ZBTB20: variants seen among roughly 807,000 people sequenced by gnomAD.
ZBTB20 encodes the protein zinc finger and BTB domain containing 20.
ZBTB20 carries 9 observed loss-of-function variants against 56.9 expected under a neutral mutation model. That is an observed-to-expected ratio of 0.16 (90% CI 0.10 to 0.28). The LOEUF (loss-of-function observed/expected upper bound fraction) is 0.28, where lower values mean the gene tolerates loss of function less well. ZBTB20 is among the 10% of genes least tolerant of loss of function. The pLI is 1.00. For missense variants in ZBTB20, 655 were observed against 1,003.0 expected (o/e 0.65, Z 4.69); for synonymous variants, 417 against 420.7 (o/e 0.99, Z 0.11).
intron 10 of ZBTB20, among the ~76,000 whole-genome samples, chr3:114,354,572 TGTTTTGTTTTGTTTG>T: frequency 8.5e-6 from 1 of 117,286 alleles, no homozygotes. Flanking sequence ...GGTTTTTTTT[TGTTTTGTTTTGTTTG>T]TTTTTTTTTT....
chr3:114,784,867 A>G (rs1471254717), intron 5 of ZBTB20, among the ~76,000 whole-genome samples: 2 of 152,226 alleles, frequency 1.3e-5, no homozygotes, highest in African/African-American at 4.8e-5. Context: ...GACACTAATT[A>G]TAACAATAGC....
chr3:114,391,543 A>G (rs1218103050), intron 7 of ZBTB20, among the ~76,000 whole-genome samples: 1 of 152,234 alleles, frequency 6.6e-6, no homozygotes, highest in African/African-American at 2.4e-5. Context: ...TCTACCAATT[A>G]GAATGGTTAT....
chr3:114,882,421 A>C (rs1230591022), intron 4 of ZBTB20, among the ~76,000 whole-genome samples: 3 of 152,040 alleles, frequency 2.0e-5, no homozygotes, highest in African/African-American at 7.2e-5. Context: ...TTATATAAAC[A>C]TATCTAAGAA....
intron 7 of ZBTB20, among the ~76,000 whole-genome samples, chr3:114,419,645 TTTAGA>T (rs2088942137): frequency 6.6e-6 from 1 of 152,060 alleles, no homozygotes; most frequent in African/African-American, 2.4e-5. Flanking sequence ...TTTTACAGGA[TTTAGA>T]CTTTAATCAC....
intron 5 of ZBTB20, among the ~76,000 whole-genome samples, chr3:114,748,349 C>CTTTCTT: frequency 5.4e-5 from 1 of 18,484 alleles, no homozygotes; most frequent in African/African-American, 1.2e-4. Flanking sequence ...TTCTTTCTTT[C>CTTTCTT]TTTTCTCTCT....
At position 114,821,445 on chromosome 3, in the gene ZBTB20, C is replaced by G. The variant is rs548400300; in HGVS notation, c.-416-20271G>C. 6.6e-5 allele frequency among the ~76,000 whole-genome samples: 10 copies of G among 152,236 alleles called. No individual in the cohort carries two copies. The East Asian group carries it at 1.9e-3, about 29-fold the overall frequency. ...ATAAAATCTAAGCCAACTCTAAATACCTACTGTGCATGGATCTCTCTAGTT... is the reference window on the plus strand; with the variant it reads ...ATAAAATCTAAGCCAACTCTAAATAGCTACTGTGCATGGATCTCTCTAGTT... On this transcript the variant is annotated intron_variant, in intron 4 of 11. Coordinates refer to ENST00000675478, the MANE Select transcript of ZBTB20 (RefSeq NM_001348800.3).
At chr3:114,654,472 CAA>C (rs1202208777) in intron 6 of ZBTB20, among the ~76,000 whole-genome samples, 4 of 151,688 alleles carry the variant, frequency 2.6e-5, no homozygotes, top group African/African-American at 9.7e-5. Flanking sequence ...TAATTATAAA[CAA>C]GAAGCATATT....
At position 114,633,363 on chromosome 3, in the gene ZBTB20, C is replaced by G. The variant is rs559429640; in HGVS notation, c.-295+60165G>C. 2.0e-4 allele frequency among the ~76,000 whole-genome samples: 30 copies of G among 152,306 alleles called. No individual in the cohort carries two copies. The South Asian group carries it at 3.9e-3, about 20-fold the overall frequency. On this transcript the variant is annotated intron_variant, in intron 6 of 11. Coordinates refer to ENST00000675478, the MANE Select transcript of ZBTB20 (RefSeq NM_001348800.3). The stretch of plus-strand genomic sequence containing the variant: ...TGAAACATTGTACACTGTATCACAG[C>G]TTGCACAGCACATTTCTTGCTGCAT...
intron 1 of ZBTB20, among the ~76,000 whole-genome samples, chr3:115,094,844 A>G (rs562036240): frequency 2.5e-4 from 38 of 152,202 alleles, no homozygotes; most frequent in African/African-American, 7.9e-4. Context: ...AATTTTCCCA[A>G]TAACAAAAAT....
intron 3 of ZBTB20, among the ~76,000 whole-genome samples, chr3:114,949,099 A>G (rs535792610): frequency 6.8e-6 from 1 of 146,420 alleles, no homozygotes; most frequent in South Asian, 2.1e-4. Context: ...TCCTGGAATA[A>G]GAGTCCAGAA....
At chr3:115,125,234 G>A (rs1427267772) in intron 1 of ZBTB20, among the ~76,000 whole-genome samples, 2 of 151,774 alleles carry the variant, frequency 1.3e-5, no homozygotes, top group Non-Finnish European at 2.9e-5. Flanking sequence ...TCCCAGCTAC[G>A]CAGGAGGTTG....
chr3:114,825,339 C>A (rs576596613), intron 4 of ZBTB20, among the ~76,000 whole-genome samples: 1 of 152,032 alleles, frequency 6.6e-6, no homozygotes, highest in East Asian at 1.9e-4. Context: ...AGGGTTCTAC[C>A]AAGGCCACTT....
At chr3:114,839,664 A>C (rs1322446768) in intron 4 of ZBTB20, among the ~76,000 whole-genome samples, 2 of 152,200 alleles carry the variant, frequency 1.3e-5, no homozygotes, top group Non-Finnish European at 2.9e-5. Context: ...GGATCTGTGC[A>C]GATGTAATGA....
intron 6 of ZBTB20, among the ~76,000 whole-genome samples, chr3:114,623,754 T>G (rs1304516561): frequency 6.6e-6 from 1 of 152,034 alleles, no homozygotes; most frequent in East Asian, 1.9e-4. Flanking sequence ...AACAATTAAT[T>G]CCACTTTCAC....
At chr3:114,818,600 A>G (rs192303900) in intron 4 of ZBTB20, among the ~76,000 whole-genome samples, 9 of 152,138 alleles carry the variant, frequency 5.9e-5, no homozygotes, top group Admixed American at 3.9e-4. Context: ...AATATTTACC[A>G]GAAAAAAAAG....
intron 1 of ZBTB20, among the ~76,000 whole-genome samples, chr3:115,089,726 T>C (rs1042272226): frequency 4.0e-5 from 6 of 151,816 alleles, no homozygotes; most frequent in Non-Finnish European, 8.8e-5. Context: ...ATCTAAAACA[T>C]AGGCAGAAAA....
At chr3:114,354,325 AT>A (rs891019917) in intron 10 of ZBTB20, among the ~76,000 whole-genome samples, 1 of 152,140 alleles carries the variant, frequency 6.6e-6, no homozygotes, top group Admixed American at 6.5e-5. Flanking sequence ...TTATTACAAC[AT>A]TTTTTTCTAC....
chr3:114,787,370 C>CACACAT (rs1553821546), intron 5 of ZBTB20, among the ~76,000 whole-genome samples: 1,306 of 114,324 alleles, frequency 0.011, 25 homozygotes, highest in Middle Eastern at 0.037. Context: ...TATATATATA[C>CACACAT]ACACACACAC....
chr3:114,484,798 A>AGAGTGT (rs1553726432), intron 7 of ZBTB20, among the ~76,000 whole-genome samples: 36 of 150,606 alleles, frequency 2.4e-4, no homozygotes, highest in African/African-American at 7.5e-4. Context: ...ATATCAATAG[A>AGAGTGT]GTGTGTGTGT....
Sources: allele counts gnomAD v4.1 joint callset (sites outside exome capture counted in the v4.1 genomes callset), GRCh38; gene constraint gnomAD v4.1.1; transcripts MANE v1.5; gene names NCBI Gene and HGNC (gene_info 2026-07-23, HGNC 2026-07-21).